Variants in SAXO3 observed in about 807,000 individuals in gnomAD.
SAXO3 encodes CTB-60B18.10.
At chr19:49,019,360 G>C in the SAXO3 span, 3 of 1,223,242 alleles carry the variant, frequency 2.5e-6, 1 homozygote, top group Non-Finnish European at 1.0e-6. Flanking sequence ...GCAACTCCAA[G>C]TTACCTCTCC....
the SAXO3 span, chr19:49,019,076 C>T: frequency 6.9e-7 from 1 of 1,458,012 alleles, no homozygotes; most frequent in African/African-American, 1.4e-5. Flanking sequence ...GTCCCGAGTT[C>T]AGAATCCCTC....
At chr19:49,018,871 A>G in the SAXO3 span, 1 of 1,533,354 alleles carries the variant, frequency 6.5e-7, no homozygotes, top group South Asian at 1.2e-5. Flanking sequence ...AGCCCGGCTT[A>G]CTTGGGATAG....
the SAXO3 span, chr19:49,018,996 A>G: frequency 1.3e-6 from 2 of 1,533,002 alleles, no homozygotes; most frequent in African/African-American, 2.7e-5. Flanking sequence ...CCAGGCAATT[A>G]GAGCCTGAGC....
At chr19:49,019,854 CAA>C in the SAXO3 span, 1 of 1,286,886 alleles carries the variant, frequency 7.8e-7, no homozygotes, top group Non-Finnish European at 1.0e-6. Context: ...GCAGGGGACT[CAA>C]ATGCAGTCCC....
chr19:49,018,205 G>T, the SAXO3 span: 1 of 504,152 alleles, frequency 2.0e-6, no homozygotes, highest in Non-Finnish European at 3.1e-6. Context: ...GCGGCACGCG[G>T]ACCCGCGGTG....
chr19:49,018,124 G>A, the SAXO3 span: 1 of 399,738 alleles, frequency 2.5e-6, no homozygotes, highest in Non-Finnish European at 4.4e-6. Context: ...GGTGCAGCAG[G>A]GGGCTGTAGG....
the SAXO3 span, chr19:49,020,530 T>G: frequency 5.0e-6 from 2 of 398,004 alleles, no homozygotes; most frequent in African/African-American, 4.1e-5. Context: ...CCACCCCCAC[T>G]CCGTAGCCAA....
chr19:49,020,507 A>G, the SAXO3 span: 1 of 398,660 alleles, frequency 2.5e-6, no homozygotes, highest in Non-Finnish European at 4.4e-6. Flanking sequence ...CCAGGGTGCC[A>G]CTGGCCATGG....
chr19:49,019,752 C>T, the SAXO3 span: 2 of 1,204,130 alleles, frequency 1.7e-6, no homozygotes, highest in Non-Finnish European at 2.2e-6. Context: ...ACTGCGCCCT[C>T]GTCTCGCTGC....
At chr19:49,018,260 C>A in the SAXO3 span, 225 of 982,336 alleles carry the variant, frequency 2.3e-4, no homozygotes, top group East Asian at 5.4e-3. Flanking sequence ...CCGCTGCGGG[C>A]CGTGGCTCCA....
At chr19:49,019,087 T>C in the SAXO3 span, 1 of 1,445,430 alleles carries the variant, frequency 6.9e-7, no homozygotes, top group Non-Finnish European at 9.1e-7. Flanking sequence ...AGAATCCCTC[T>C]CCTTCGGCCT....
At chr19:49,017,984 T>C in the SAXO3 span, 1 of 398,536 alleles carries the variant, frequency 2.5e-6, no homozygotes, top group Non-Finnish European at 4.4e-6. Flanking sequence ...CAGCGCCGGC[T>C]TCAAGCTGCC....
the SAXO3 span, chr19:49,019,710 GGC>G: frequency 8.4e-7 from 1 of 1,187,844 alleles, no homozygotes; most frequent in Non-Finnish European, 1.1e-6. Context: ...AGTATTCCGG[GGC>G]GCGCGGGTCC....
the SAXO3 span, chr19:49,019,019 G>A: frequency 6.5e-7 from 1 of 1,527,784 alleles, no homozygotes; most frequent in Non-Finnish European, 8.8e-7. Context: ...GATTGGGGGA[G>A]GAGGCATACC....
the SAXO3 span, chr19:49,020,525 C>T: frequency 2.0e-5 from 8 of 398,564 alleles, no homozygotes; most frequent in Middle Eastern, 6.2e-4. Context: ...TGGTTCCACC[C>T]CCACTCCGTA....
the SAXO3 span, chr19:49,018,757 A>T: frequency 1.0e-5 from 9 of 887,500 alleles, no homozygotes; most frequent in Non-Finnish European, 1.5e-5. Context: ...TTGCTGCTAC[A>T]GAAGTCGAGG....
the SAXO3 span, chr19:49,019,093 G>C: frequency 4.2e-6 from 6 of 1,443,120 alleles, no homozygotes; most frequent in Non-Finnish European, 4.5e-6. Context: ...CCTCTCCTTC[G>C]GCCTCGACAG....
chr19:49,019,768 T>A, the SAXO3 span: 1 of 1,223,280 alleles, frequency 8.2e-7, no homozygotes, highest in South Asian at 1.7e-5. Context: ...GCTGCTCTGG[T>A]ACTTTGTGGT....
At chr19:49,018,327 C>A in the SAXO3 span, 2 of 1,217,686 alleles carry the variant, frequency 1.6e-6, no homozygotes, top group African/African-American at 1.6e-5. Flanking sequence ...CGGGGGTATC[C>A]GGACAGCTCC....
Sources: gnomAD v4.1 joint callset for allele counts on GRCh38, gnomAD v4.1.1 for gene constraint, MANE v1.5 for transcripts, NCBI Gene and HGNC (gene_info 2026-07-23, HGNC 2026-07-21) for gene names.